PDK1: variants seen among roughly 807,000 people sequenced by gnomAD.
The protein encoded by PDK1 is [Pyruvate dehydrogenase (acetyl-transferring)] kinase isozyme 1, mitochondrial.
Under a neutral mutation model 54.2 loss-of-function variants are expected in PDK1, and 39 were observed. That is an observed-to-expected ratio of 0.72 (90% CI 0.56 to 0.94). The LOEUF is 0.94. Ranked by LOEUF, PDK1 falls within the 40% of genes least tolerant of loss-of-function variation. The probability of loss-of-function intolerance (pLI) is 0.00; values close to 1 mark genes in which losing one functional copy is unlikely to be tolerated. For synonymous variants in PDK1, 221 were observed against 207.1 expected (o/e 1.07, Z -0.58); for missense variants, 552 against 566.0 (o/e 0.98, Z 0.25).
At chr2:172,611,629 C>T (rs182122032), downstream of PDK1, among the ~76,000 whole-genome samples, 2 of 152,302 alleles carry the variant, frequency 1.3e-5, no homozygotes, top group Admixed American at 1.3e-4. Flanking sequence ...TAATCTTTCT[C>T]ATGAACTTAG....
chr2:172,656,831 G>A, the PDK1 span, among the ~76,000 whole-genome samples: 1 of 152,096 alleles, frequency 6.6e-6, no homozygotes, highest in African/African-American at 2.4e-5. Flanking sequence ...TTTAAAAAAA[G>A]TAATTCCCCC....
chr2:172,610,458 G>A (rs982796203), downstream of PDK1, among the ~76,000 whole-genome samples: 1 of 151,972 alleles, frequency 6.6e-6, no homozygotes, highest in Non-Finnish European at 1.5e-5. Flanking sequence ...TTGAAACACC[G>A]CATCTTTTCT....
chr2:172,570,994 T>G (rs575333371), intron 8 of PDK1, among the ~76,000 whole-genome samples, 170 bp downstream of exon 8: 2 of 152,332 alleles, frequency 1.3e-5, no homozygotes, highest in South Asian at 4.1e-4. Context: ...TGGTGGATTA[T>G]AGTTATCCCT....
the PDK1 span, among the ~76,000 whole-genome samples, chr2:172,717,363 GA>G: frequency 6.6e-6 from 1 of 152,182 alleles, no homozygotes; most frequent in Non-Finnish European, 1.5e-5. Context: ...ACTGCTTCCA[GA>G]TTCCTGACCC....
intron 3 of PDK1, among the ~76,000 whole-genome samples, chr2:172,563,325 T>A (rs1370573254): frequency 6.6e-6 from 1 of 152,212 alleles, no homozygotes. Context: ...AGTTGTTTGT[T>A]GTTTTTGAAG....
chr2:172,611,546 A>G (rs940228110), downstream of PDK1, among the ~76,000 whole-genome samples: 1 of 152,220 alleles, frequency 6.6e-6, no homozygotes, highest in African/African-American at 2.4e-5. Context: ...GGAGGGAAAC[A>G]CTTCCCAACT....
At chr2:172,695,274 T>A in the PDK1 span, among the ~76,000 whole-genome samples, 5 of 152,138 alleles carry the variant, frequency 3.3e-5, no homozygotes, top group Admixed American at 2.0e-4. Flanking sequence ...ATGGATGCCA[T>A]ACTGTGCTCT....
the PDK1 span, among the ~76,000 whole-genome samples, chr2:172,721,281 G>A: frequency 4.6e-5 from 7 of 152,190 alleles, no homozygotes; most frequent in Non-Finnish European, 1.0e-4. Context: ...TATTTCTAGG[G>A]TGGAAAAGGT....
At chr2:172,712,049 A>G in the PDK1 span, among the ~76,000 whole-genome samples, 2 of 151,926 alleles carry the variant, frequency 1.3e-5, no homozygotes, top group Non-Finnish European at 2.9e-5. Flanking sequence ...GTTTATTTGC[A>G]TATAGAGTCA....
At chr2:172,560,129 G>A (rs1255680759) in intron 2 of PDK1, among the ~76,000 whole-genome samples, 2 of 152,186 alleles carry the variant, frequency 1.3e-5, no homozygotes, top group Non-Finnish European at 2.9e-5. Context: ...ATGGGCATGA[G>A]CCATTGTGTC....
chr2:172,634,504 C>G, the PDK1 span, among the ~76,000 whole-genome samples: 62 of 151,792 alleles, frequency 4.1e-4, no homozygotes, highest in African/African-American at 1.4e-3. Flanking sequence ...AACTCCTGAC[C>G]TCAAGTGATC....
the PDK1 span, among the ~76,000 whole-genome samples, chr2:172,652,240 C>T: frequency 6.6e-6 from 1 of 152,278 alleles, no homozygotes; most frequent in African/African-American, 2.4e-5. Context: ...TCAATAGATG[C>T]AGAAAAGGCC....
At chr2:172,561,051 C>T (rs898755456) in intron 2 of PDK1, among the ~76,000 whole-genome samples, 3 of 152,124 alleles carry the variant, frequency 2.0e-5, no homozygotes, top group Admixed American at 6.5e-5. Context: ...CAGATGCTAT[C>T]TAGTCCAAGT....
rs1036150627 is a variant in PDK1 at position 172,606,100 on chromosome 2, A to G, written c.*10131A>G. Reference sequence around the variant, plus strand: ...GTCCTCTCTTGGATAGCATAGTCCTATGACCAAATGGGTCAGTCGTTGATC... The same window carrying G: ...GTCCTCTCTTGGATAGCATAGTCCTGTGACCAAATGGGTCAGTCGTTGATC... On this transcript the variant is annotated 3_prime_UTR_variant, in exon 11 of 11. Transcript: ENST00000282077. 6 of 152,222 alleles carry G rather than the reference A, an allele frequency of 3.9e-5. No individual in the cohort carries two copies. The highest frequency in any genetic ancestry group is 2.1e-4 in the South Asian group (1 of 4,824). The allele number at this position is 152,222 out of a possible 1,614,324, so 9.4% of individuals were successfully genotyped here. A position where few individuals can be genotyped will look rare whatever the true frequency, so the allele number is the denominator to read the frequency against.
intron 8 of PDK1, among the ~76,000 whole-genome samples, chr2:172,582,135 AACT>A (rs1689946812): frequency 6.6e-6 from 1 of 152,120 alleles, no homozygotes; most frequent in Non-Finnish European, 1.5e-5. Flanking sequence ...CTGGTCTTGG[AACT>A]CCTGACCTCA....
downstream of PDK1, among the ~76,000 whole-genome samples, chr2:172,612,538 G>A (rs1371080531): frequency 2.0e-5 from 3 of 151,978 alleles, no homozygotes; most frequent in African/African-American, 7.3e-5. Flanking sequence ...AAGGTGATAG[G>A]AACACTGTGT....
At position 172,596,116 on chromosome 2, in the gene PDK1, G is replaced by A; in HGVS notation, c.*147G>A. On this transcript the variant is annotated 3_prime_UTR_variant, in exon 11 of 11. Coordinates refer to ENST00000282077, the MANE Select transcript of PDK1 (RefSeq NM_002610.5). The stretch of plus-strand genomic sequence containing the variant: ...AATAAATGGAAACTGAATTCCATTT[G>A]TGCCCGTTAAACCTCCTAAAGGATG... 7 of 661,496 alleles carry A rather than the reference G, an allele frequency of 1.1e-5. No homozygotes were observed. The highest frequency in any genetic ancestry group is 1.7e-5 in the Non-Finnish European group (7 of 403,842). The allele number at this position is 661,496 out of a possible 1,614,324, so 41.0% of individuals were successfully genotyped here.
Position 172,564,983 on chromosome 2 carries a change from T to C in PDK1, c.601T>C (p.Leu201=). 1 of 1,610,228 alleles carries C rather than the reference T, an allele frequency of 6.2e-7. No individual in the cohort carries two copies. Among genetic ancestry groups the C allele is most frequent in the South Asian group, 1.1e-5 (1 of 90,936 alleles). ...IRMLLNQHSL[L]FGGKGKGSPS... ...TTTTTTTCCTTTTTGGATAGCTTTA[T>C]TGTTTGGTGGAAAAGGCAAAGGAAG... Residue 201 remains leucine (L), a synonymous_variant, in exon 5 of 11, where the codon TTG becomes CTG. Transcript: ENST00000282077.
chr2:172,585,865 T>C (rs1245771455), intron 8 of PDK1, among the ~76,000 whole-genome samples: 1 of 152,096 alleles, frequency 6.6e-6, no homozygotes, highest in Non-Finnish European at 1.5e-5. Flanking sequence ...GTTGTATTCA[T>C]TTTCAAAAGC....
Sources: allele counts gnomAD v4.1 joint callset (sites outside exome capture counted in the v4.1 genomes callset), GRCh38; gene constraint gnomAD v4.1.1; transcripts MANE v1.5; gene names NCBI Gene and HGNC (gene_info 2026-07-23, HGNC 2026-07-21).